ROBO1: variants seen among roughly 807,000 people sequenced by gnomAD.
ROBO1 encodes the protein roundabout guidance receptor 1, also known as roundabout homolog 1.
A neutral mutation model predicts 195.9 loss-of-function variants in ROBO1; 149 were observed. The observed-to-expected ratio is 0.76, with a 90% CI of 0.67 to 0.87. The LOEUF (loss-of-function observed/expected upper bound fraction) is 0.87. Among genes scored for constraint, ROBO1 ranks in the 40% least tolerant of loss-of-function variants. The pLI is 0.00. For synonymous variants in ROBO1, 816 were observed against 733.2 expected (o/e 1.11, Z -1.82); for missense variants, 1,933 against 2,068.3 (o/e 0.93, Z 1.27).
chr3:79,580,916 T>C (rs1295824385), intron 2 of ROBO1, among the ~76,000 whole-genome samples: 1 of 152,162 alleles, frequency 6.6e-6, no homozygotes, highest in Non-Finnish European at 1.5e-5. Flanking sequence ...TTATGAATTA[T>C]TGATTCAGCA....
chr3:78,683,875 C>T (rs2080989980), intron 10 of ROBO1, among the ~76,000 whole-genome samples: 1 of 151,510 alleles, frequency 6.6e-6, no homozygotes, highest in Admixed American at 6.6e-5. Context: ...TTCAAGGCCT[C>T]AAGGTAGGAC....
chr3:79,019,504 C>G (rs2078052276), intron 3 of ROBO1: 2 of 986,174 alleles, frequency 2.0e-6, no homozygotes, highest in South Asian at 9.4e-5. Flanking sequence ...CAGTTCCCTC[C>G]CTCTCCTCCC....
intron 1 of ROBO1, among the ~76,000 whole-genome samples, chr3:79,688,889 A>G (rs558995392): frequency 9.9e-5 from 15 of 152,138 alleles, no homozygotes; most frequent in African/African-American, 3.6e-4. Context: ...TGCACATGTA[A>G]AAGACAAAAA....
intron 2 of ROBO1, among the ~76,000 whole-genome samples, chr3:79,218,577 T>C (rs2082089675): frequency 6.6e-6 from 1 of 152,004 alleles, no homozygotes; most frequent in Non-Finnish European, 1.5e-5. Flanking sequence ...TCTAAAATGA[T>C]TGCAAATAAA....
chr3:79,269,494 A>G (rs1273651010), intron 2 of ROBO1, among the ~76,000 whole-genome samples: 1 of 151,706 alleles, frequency 6.6e-6, no homozygotes, highest in Non-Finnish European at 1.5e-5. Flanking sequence ...ATTTATTTAT[A>G]TCTAGCAGCC....
At chr3:78,953,127 A>G (rs1008315448) in intron 3 of ROBO1, among the ~76,000 whole-genome samples, 1 of 152,078 alleles carries the variant, frequency 6.6e-6, no homozygotes, top group Non-Finnish European at 1.5e-5. Context: ...AATAATACAT[A>G]GACAACTAAG....
At chr3:79,182,542 G>GGTGTGTGTGTGTGTGT (rs71127377) in intron 2 of ROBO1, among the ~76,000 whole-genome samples, 77 of 148,548 alleles carry the variant, frequency 5.2e-4, no homozygotes, top group African/African-American at 1.7e-3. Context: ...CTGGGGCACA[G>GGTGTGTGTGTGTGTGT]GTGTGTGTGT....
In ROBO1 at chr3:78,774,880, C is replaced by T. The variant is rs1292315842; in HGVS notation, c.500-27980G>A. Among the ~76,000 whole-genome samples the T allele has an allele frequency of 2.6e-5, 4 of 152,124 alleles. No homozygotes were observed. In the East Asian group the frequency reaches 7.7e-4, roughly 29 times the overall value. ...ACTTGAAAACATATTCAGTATTTTT[C>T]CTTTAATAGACTTCTACCAAATATA... On this transcript the variant is annotated intron_variant, in intron 4 of 30. Transcript: ENST00000464233.
chr3:79,137,431 T>G (rs952982848), intron 2 of ROBO1, among the ~76,000 whole-genome samples: 4 of 9,548 alleles, frequency 4.2e-4, no homozygotes, highest in Admixed American at 1.5e-3. Context: ...CATGTTACTG[T>G]TTTTTTTCTC....
intron 1 of ROBO1, among the ~76,000 whole-genome samples, chr3:79,728,657 A>G (rs1003179007): frequency 2.6e-5 from 4 of 152,182 alleles, no homozygotes; most frequent in African/African-American, 9.6e-5. Flanking sequence ...CTATGTACAC[A>G]AAATTTCCAT....
In ROBO1 at chr3:79,232,457, G is replaced by GA. The variant is rs200523458; in HGVS notation, c.89-106919dup. Reference sequence around the variant, plus strand: ...TACAGAGAAGAAAGAAAACTTAAGAGAAAAAAAAAACAAACATCACAATCA... The same window carrying GA: ...TACAGAGAAGAAAGAAAACTTAAGAGAAAAAAAAAAACAAACATCACAATCA... On this transcript the variant is annotated intron_variant, in intron 2 of 30. Transcript: ENST00000464233. Among the ~76,000 whole-genome samples the GA allele has an allele frequency of 4.5e-3, 643 of 143,734 alleles. 4 individuals carry two copies. The highest frequency in any genetic ancestry group is 0.011 in the Middle Eastern group (3 of 284). 94.3% of individuals were successfully genotyped at this position (143,734 alleles called of 152,430 possible).
chr3:79,559,618 G>A (rs894881825), intron 2 of ROBO1, among the ~76,000 whole-genome samples: 1 of 152,094 alleles, frequency 6.6e-6, no homozygotes, highest in Non-Finnish European at 1.5e-5. Context: ...TGTACTGCAA[G>A]CTTTAACAAA....
At chr3:79,568,533 G>A (rs35951469) in intron 2 of ROBO1, among the ~76,000 whole-genome samples, 32,245 of 147,348 alleles carry the variant, frequency 0.22, 3,739 homozygotes, top group African/African-American at 0.29. Context: ...TCATTGGGAC[G>A]CTTGCCTTCT....
intron 1 of ROBO1, among the ~76,000 whole-genome samples, chr3:79,728,153 AT>A (rs1560136795): frequency 4.0e-5 from 6 of 151,310 alleles, no homozygotes; most frequent in Non-Finnish European, 5.9e-5. Context: ...CCCACAGGAA[AT>A]TTTTTTTAGT....
intron 1 of ROBO1, among the ~76,000 whole-genome samples, chr3:79,646,706 A>G (rs1945831270): frequency 6.6e-6 from 1 of 152,174 alleles, no homozygotes; most frequent in Non-Finnish European, 1.5e-5. Flanking sequence ...GTATGTATAC[A>G]CAATGAAATA....
chr3:79,443,720 T>A (rs1248687124), intron 2 of ROBO1, among the ~76,000 whole-genome samples: 1 of 152,262 alleles, frequency 6.6e-6, no homozygotes, highest in East Asian at 1.9e-4. Flanking sequence ...ATAAGAATAG[T>A]ACAAGGTGGA....
rs137892726 is a variant in ROBO1, at chr3:78,812,112, T to C, written c.500-65212A>G. 8.3e-3 allele frequency among the ~76,000 whole-genome samples: 1,271 copies of C among 152,260 alleles called. 12 individuals carry two copies. The highest frequency in any genetic ancestry group is 0.029 in the African/African-American group (1,209 of 41,550). On this transcript the variant is annotated intron_variant, in intron 4 of 30. Coordinates refer to ENST00000464233, the MANE Select transcript of ROBO1 (RefSeq NM_002941.4). Reference sequence around the variant, plus strand: ...CACACGTTTTGTTATGTGGAGGCCATGCATCTAAATCAAGAGTGAATTTTC... The same window carrying C: ...CACACGTTTTGTTATGTGGAGGCCACGCATCTAAATCAAGAGTGAATTTTC...
At chr3:78,694,772 C>G (rs2081249172) in intron 8 of ROBO1, among the ~76,000 whole-genome samples, 1 of 152,034 alleles carries the variant, frequency 6.6e-6, no homozygotes, top group African/African-American at 2.4e-5. Context: ...ACCTGACAAG[C>G]TGTAACAACA....
chr3:79,268,261 C>CA (rs2030177972), intron 2 of ROBO1, among the ~76,000 whole-genome samples: 1 of 151,610 alleles, frequency 6.6e-6, no homozygotes, highest in South Asian at 2.1e-4. Flanking sequence ...TCAGACACAT[C>CA]AAAATTGTAG....
Sources: allele counts gnomAD v4.1 joint callset (sites outside exome capture counted in the v4.1 genomes callset), GRCh38; gene constraint gnomAD v4.1.1; transcripts MANE v1.5; gene names NCBI Gene and HGNC (gene_info 2026-07-23, HGNC 2026-07-21).